Variants in SHISA9 observed in about 807,000 individuals in gnomAD.
SHISA9 encodes the protein protein shisa-9.
In SHISA9, 13 loss-of-function variants were observed where a neutral mutation model predicts 38.0. The ratio of observed to expected loss-of-function variants is 0.34; its 90% confidence interval spans 0.22 to 0.54. SHISA9 has a LOEUF of 0.54. SHISA9 is among the 20% of genes least tolerant of loss of function. The pLI, the probability that SHISA9 is intolerant of heterozygous loss-of-function variation, is 0.91. For synonymous variants in SHISA9, 275 were observed against 242.0 expected (o/e 1.14, Z -1.27); for missense variants, 538 against 575.8 (o/e 0.93, Z 0.67).
the SHISA9 span, among the ~76,000 whole-genome samples, chr16:13,437,464 A>G: frequency 3.3e-5 from 5 of 152,172 alleles, no homozygotes; most frequent in Admixed American, 2.0e-4. Flanking sequence ...TTACGGATGA[A>G]AAACTGGAAG....
chr16:12,963,321 T>A (rs1289520370), intron 2 of SHISA9, among the ~76,000 whole-genome samples: 1 of 152,196 alleles, frequency 6.6e-6, no homozygotes, highest in Non-Finnish European at 1.5e-5. Context: ...AGTCTCTGTC[T>A]TTTCCTCCAA....
intron 2 of SHISA9, among the ~76,000 whole-genome samples, chr16:13,137,910 A>C (rs80212886): frequency 0.019 from 2,856 of 152,148 alleles, 82 homozygotes; most frequent in African/African-American, 0.065. Flanking sequence ...TTTCATGGCT[A>C]ACTCGTATTT....
At chr16:13,192,111 A>T (rs970320428) in intron 2 of SHISA9, among the ~76,000 whole-genome samples, 8 of 152,206 alleles carry the variant, frequency 5.3e-5, no homozygotes, top group Non-Finnish European at 8.8e-5. Flanking sequence ...TTCTAAGTGA[A>T]CTAACTCAGA....
At position 12,902,867 on chromosome 16, in the gene SHISA9, T is replaced by A. The variant is rs78050990; in HGVS notation, c.563+240T>A. ...GTGTGAGCGTGTGTGTGTGTGTGTG[T>A]GACTCTGCTCCCTCACCCTCTGGCC... On this transcript the variant is annotated intron_variant, in intron 1 of 4. Coordinates refer to ENST00000558583, the MANE Select transcript of SHISA9 (RefSeq NM_001145204.3). 6 of 503,250 alleles carry A rather than the reference T, an allele frequency of 1.2e-5. No individual in the cohort carries two copies. In the East Asian group the frequency reaches 1.7e-4, roughly 14 times the overall value. 31.2% of individuals were successfully genotyped at this position (503,250 alleles called of 1,614,324 possible). A position where few individuals can be genotyped will look rare whatever the true frequency, so the allele number is the denominator to read the frequency against.
downstream of SHISA9, among the ~76,000 whole-genome samples, chr16:13,243,422 G>C (rs1165909720): frequency 6.6e-6 from 1 of 152,066 alleles, no homozygotes; most frequent in Non-Finnish European, 1.5e-5. Context: ...GTTTGGTCCA[G>C]AAAGGCAGGA....
In SHISA9 at chr16:12,901,929, C is replaced by T. The variant is rs2071020805; in HGVS notation, c.-136C>T. 4 of 557,964 alleles carry T rather than the reference C, an allele frequency of 7.2e-6. No individual in the cohort carries two copies. Among genetic ancestry groups the T allele is most frequent in the East Asian group, 4.4e-5 (1 of 22,654 alleles). The allele number at this position is 557,964 out of a possible 1,614,324, so 34.6% of individuals were successfully genotyped here. On this transcript the variant is annotated 5_prime_UTR_variant, in exon 1 of 5. Coordinates refer to ENST00000558583, the MANE Select transcript of SHISA9 (RefSeq NM_001145204.3). ...TGGCCGCCGACCACCGAGCGCCCCG[C>T]GCCGCTCCCTGCATGTGCGGCCCGC... is the stretch of plus-strand genomic sequence containing the variant.
intron 4 of SHISA9, among the ~76,000 whole-genome samples, chr16:13,233,729 G>A (rs1471656074): frequency 6.6e-6 from 1 of 152,260 alleles, no homozygotes; most frequent in Non-Finnish European, 1.5e-5. Context: ...AAGAAAACAG[G>A]CCTGGTGCGG....
At chr16:13,279,657 G>T in the SHISA9 span, among the ~76,000 whole-genome samples, 13 of 151,998 alleles carry the variant, frequency 8.6e-5, no homozygotes, top group African/African-American at 3.1e-4. Flanking sequence ...AAACATCAAA[G>T]ATGTCCAGGC....
At chr16:13,300,948 T>C in the SHISA9 span, among the ~76,000 whole-genome samples, 4 of 151,792 alleles carry the variant, frequency 2.6e-5, no homozygotes, top group Admixed American at 2.6e-4. Flanking sequence ...TCTTACTCTT[T>C]CTTTCTCTTC....
the SHISA9 span, among the ~76,000 whole-genome samples, chr16:13,288,721 G>A: frequency 3.3e-5 from 5 of 151,650 alleles, no homozygotes; most frequent in East Asian, 7.8e-4. Context: ...AACCCAGGAG[G>A]CAGAGATTGC....
At chr16:13,037,109 G>GAC (rs1207707042) in intron 2 of SHISA9, among the ~76,000 whole-genome samples, 10,936 of 104,296 alleles carry the variant, frequency 0.1, 537 homozygotes, top group Admixed American at 0.17. Flanking sequence ...CACACACACA[G>GAC]ACACACACAC....
intron 2 of SHISA9, among the ~76,000 whole-genome samples, chr16:13,016,466 G>T (rs1432732056): frequency 6.6e-6 from 1 of 152,164 alleles, no homozygotes; most frequent in African/African-American, 2.4e-5. Flanking sequence ...ACGTCCAAGT[G>T]GTTGGTTGTG....
the SHISA9 span, among the ~76,000 whole-genome samples, chr16:13,339,767 G>T: frequency 6.6e-6 from 1 of 152,162 alleles, no homozygotes; most frequent in African/African-American, 2.4e-5. Flanking sequence ...TGAGTAACCT[G>T]CTCAAACGAC....
At chr16:13,129,518 T>C (rs1206348211) in intron 2 of SHISA9, among the ~76,000 whole-genome samples, 1 of 152,188 alleles carries the variant, frequency 6.6e-6, no homozygotes, top group Non-Finnish European at 1.5e-5. Flanking sequence ...GCCAGAACTG[T>C]CATATGGCTA....
At chr16:13,378,809 C>G in the SHISA9 span, among the ~76,000 whole-genome samples, 1 of 152,138 alleles carries the variant, frequency 6.6e-6, no homozygotes. Flanking sequence ...TGATAAATCA[C>G]AAGGATCATA....
chr16:13,337,634 T>A, the SHISA9 span, among the ~76,000 whole-genome samples: 47 of 152,268 alleles, frequency 3.1e-4, no homozygotes, highest in African/African-American at 8.7e-4. Context: ...ATGCAAATTT[T>A]AAAAAAAGTA....
At chr16:13,011,126 C>T (rs966535688) in intron 2 of SHISA9, among the ~76,000 whole-genome samples, 3 of 152,100 alleles carry the variant, frequency 2.0e-5, no homozygotes, top group African/African-American at 7.2e-5. Context: ...CGTTCTTGCT[C>T]AGGTGGGCAG....
chr16:13,200,451 A>T (rs957923975), intron 2 of SHISA9, among the ~76,000 whole-genome samples: 1 of 115,742 alleles, frequency 8.6e-6, no homozygotes, highest in African/African-American at 3.6e-5. Flanking sequence ...CAGCAGCAGC[A>T]GCAGCAGCAG....
the SHISA9 span, among the ~76,000 whole-genome samples, chr16:13,477,981 G>A: frequency 0.27 from 40,694 of 151,990 alleles, 5,805 homozygotes; most frequent in African/African-American, 0.36. Context: ...TAAGTAAAAT[G>A]AACAAAAGAC....
Sources: allele counts gnomAD v4.1 joint callset (sites outside exome capture counted in the v4.1 genomes callset), GRCh38; gene constraint gnomAD v4.1.1; transcripts MANE v1.5; gene names NCBI Gene and HGNC (gene_info 2026-07-23, HGNC 2026-07-21).